The following CSMD1 variants were observed in gnomAD, a reference collection of about 807,000 sequenced individuals.
The protein encoded by CSMD1 is CUB and sushi domain-containing protein 1.
CSMD1 carries 213 observed loss-of-function variants against 417.5 expected under a neutral mutation model. That is an observed-to-expected ratio of 0.51 (90% CI 0.46 to 0.57). The LOEUF (loss-of-function observed/expected upper bound fraction) is 0.57. Ranked by LOEUF, CSMD1 falls within the 20% of genes least tolerant of loss-of-function variation. CSMD1 has a pLI of 0.00. For synonymous variants in CSMD1, 2,862 were observed against 1,736.8 expected (o/e 1.65, Z -16.11); for missense variants, 6,923 against 4,529.7 (o/e 1.53, Z -15.17).
At chr8:3,723,689 G>C (rs543176101) in intron 6 of CSMD1, among the ~76,000 whole-genome samples, 9 of 152,168 alleles carry the variant, frequency 5.9e-5, no homozygotes, top group Non-Finnish European at 8.8e-5. Flanking sequence ...GGTAAGAGCA[G>C]GGTGATATTA....
chr8:3,479,622 C>CA (rs1168808954), intron 11 of CSMD1, among the ~76,000 whole-genome samples: 1 of 152,104 alleles, frequency 6.6e-6, no homozygotes, highest in Non-Finnish European at 1.5e-5. Context: ...CTTTCAGTGG[C>CA]AAAAAACCAC....
chr8:4,447,912 G>A (rs779044655), intron 2 of CSMD1, among the ~76,000 whole-genome samples: 18 of 150,662 alleles, frequency 1.2e-4, no homozygotes, highest in East Asian at 1.9e-4. Flanking sequence ...CTCATCTTTC[G>A]GAAATGACGA....
chr8:3,961,340 C>G (rs1055625219), intron 5 of CSMD1, among the ~76,000 whole-genome samples: 6 of 152,186 alleles, frequency 3.9e-5, no homozygotes, highest in Non-Finnish European at 8.8e-5. Flanking sequence ...ACATTTTTAA[C>G]CGGGTAAGCC....
intron 26 of CSMD1, among the ~76,000 whole-genome samples, chr8:3,249,720 TAAG>T (rs1327880467): frequency 3.3e-5 from 5 of 151,322 alleles, no homozygotes; most frequent in Non-Finnish European, 5.9e-5. Context: ...ACATTTATAA[TAAG>T]CTCCAAGAAG....
intron 1 of CSMD1, among the ~76,000 whole-genome samples, chr8:4,983,050 T>C (rs911273203): frequency 2.0e-5 from 3 of 152,188 alleles, no homozygotes; most frequent in African/African-American, 4.8e-5. Flanking sequence ...TAAATTATTG[T>C]CACCAGAAGA....
chr8:4,654,114 G>C (rs116947431), intron 1 of CSMD1, among the ~76,000 whole-genome samples: 1 of 152,102 alleles, frequency 6.6e-6, no homozygotes, highest in Non-Finnish European at 1.5e-5. Context: ...CAGGGCCGAT[G>C]TTACACTCCA....
intron 1 of CSMD1, among the ~76,000 whole-genome samples, chr8:4,956,802 TC>T (rs1563864623): frequency 3.3e-5 from 5 of 152,252 alleles, no homozygotes; most frequent in African/African-American, 1.2e-4. Context: ...ACTTAGATTT[TC>T]TCCTCCCACC....
intron 3 of CSMD1, among the ~76,000 whole-genome samples, chr8:4,183,457 A>T (rs545368828): frequency 6.6e-6 from 1 of 152,200 alleles, no homozygotes; most frequent in African/African-American, 2.4e-5. Context: ...TAGCCCCTCA[A>T]TGACATGTTC....
At chr8:4,838,448 G>C (rs956009725) in intron 1 of CSMD1, among the ~76,000 whole-genome samples, 2 of 152,300 alleles carry the variant, frequency 1.3e-5, no homozygotes, top group Non-Finnish European at 2.9e-5. Flanking sequence ...CAGAGGGAAG[G>C]GAAACAAGAA....
At chr8:3,097,767 G>A (rs765853192) in intron 46 of CSMD1, among the ~76,000 whole-genome samples, 35 of 152,200 alleles carry the variant, frequency 2.3e-4, no homozygotes, top group Non-Finnish European at 4.0e-4. Context: ...TCGGGGGTGG[G>A]GGGAACTACT....
At chr8:4,282,451 G>T (rs542382256) in intron 3 of CSMD1, among the ~76,000 whole-genome samples, 1 of 152,158 alleles carries the variant, frequency 6.6e-6, no homozygotes, top group Non-Finnish European at 1.5e-5. Flanking sequence ...ATTGCCAGAG[G>T]ACGGAATGGT....
chr8:4,157,502 G>C (rs1469516359), intron 3 of CSMD1, among the ~76,000 whole-genome samples: 1 of 152,072 alleles, frequency 6.6e-6, no homozygotes, highest in Non-Finnish European at 1.5e-5. Context: ...CGGAGAAAGA[G>C]GCTCAAAGAA....
chr8:4,349,681 G>A (rs974113357), intron 3 of CSMD1, among the ~76,000 whole-genome samples: 1 of 152,012 alleles, frequency 6.6e-6, no homozygotes, highest in Non-Finnish European at 1.5e-5. Context: ...TTGAAATGTG[G>A]CCAATTTCTA....
intron 8 of CSMD1, 57 bp from the exon 9 acceptor site, chr8:3,586,317 GGA>G: frequency 7.0e-7 from 1 of 1,431,956 alleles, no homozygotes; most frequent in Non-Finnish European, 9.2e-7. Flanking sequence ...GACTTCTTTA[GGA>G]AAAAAAAAAA....
At chr8:4,805,954 G>A (rs954660328) in intron 1 of CSMD1, among the ~76,000 whole-genome samples, 4 of 152,076 alleles carry the variant, frequency 2.6e-5, no homozygotes, top group African/African-American at 9.7e-5. Flanking sequence ...TTTGCTAGAC[G>A]ATTTTTTAAT....
intron 5 of CSMD1, among the ~76,000 whole-genome samples, chr8:3,850,533 A>G (rs193054728): frequency 2.2e-4 from 34 of 152,176 alleles, no homozygotes; most frequent in African/African-American, 7.7e-4. Context: ...CATCTCTATT[A>G]TGGATACAAA....
rs114410909 is a variant in CSMD1 at position 4,711,280 on chromosome 8, G to C, written c.86-73722C>G. On this transcript the variant is annotated intron_variant, in intron 1 of 69. Transcript: ENST00000635120. ...TCATCACACTTATAAAAGAGCACTT[G>C]TTTAGGTCATTTTCTATTTATCCAA... Among the ~76,000 whole-genome samples the C allele has an allele frequency of 9.7e-3, 1,468 of 152,084 alleles. 11 individuals carry two copies. Among genetic ancestry groups the C allele is most frequent in the Middle Eastern group, 0.024 (7 of 290 alleles).
chr8:3,434,038 C>T (rs371274342), intron 12 of CSMD1, among the ~76,000 whole-genome samples: 3 of 152,306 alleles, frequency 2.0e-5, no homozygotes, highest in South Asian at 2.1e-4. Context: ...CTACAACAAT[C>T]GCATCATTCC....
intron 10 of CSMD1, among the ~76,000 whole-genome samples, chr8:3,523,534 C>T (rs1797602331): frequency 6.6e-6 from 1 of 152,164 alleles, no homozygotes; most frequent in Non-Finnish European, 1.5e-5. Flanking sequence ...TGCACACACA[C>T]ACGCACACCC....
Sources: allele counts gnomAD v4.1 joint callset (sites outside exome capture counted in the v4.1 genomes callset), GRCh38; gene constraint gnomAD v4.1.1; transcripts MANE v1.5; gene names NCBI Gene and HGNC (gene_info 2026-07-23, HGNC 2026-07-21).